FHAD1: variants seen among roughly 807,000 people sequenced by gnomAD.
The protein encoded by FHAD1 is forkhead-associated domain-containing protein 1.
In FHAD1, 146 loss-of-function variants were observed where a neutral mutation model predicts 191.3. That is an observed-to-expected ratio of 0.76 (90% CI 0.67 to 0.88). The LOEUF (loss-of-function observed/expected upper bound fraction) is 0.88, where lower values mean the gene tolerates loss of function less well. Among genes scored for constraint, FHAD1 ranks in the 40% least tolerant of loss-of-function variants. The probability of loss-of-function intolerance (pLI) is 0.00; values close to 1 mark genes in which losing one functional copy is unlikely to be tolerated. For synonymous variants in FHAD1, 616 were observed against 672.3 expected (o/e 0.92, Z 1.29); for missense variants, 1,635 against 1,785.8 (o/e 0.92, Z 1.52).
intron 31 of FHAD1, among the ~76,000 whole-genome samples, chr1:15,387,209 T>C (rs1216075057): frequency 1.3e-5 from 2 of 152,164 alleles, no homozygotes; most frequent in South Asian, 2.1e-4. Context: ...TACTGTTTTA[T>C]ACATCATCAT....
intron 1 of FHAD1, among the ~76,000 whole-genome samples, chr1:15,239,798 A>C (rs1341450564): frequency 6.6e-6 from 1 of 152,294 alleles, no homozygotes; most frequent in East Asian, 1.9e-4. Flanking sequence ...ATTTGAAGGC[A>C]TGTGCTGCGA....
chr1:15,341,126 G>A (rs966300038), intron 15 of FHAD1, among the ~76,000 whole-genome samples: 1 of 152,264 alleles, frequency 6.6e-6, no homozygotes, highest in East Asian at 1.9e-4. Flanking sequence ...AGGTTGCGGG[G>A]AACCAAGATT....
At chr1:15,399,433 G>A (rs540748995), downstream of FHAD1, among the ~76,000 whole-genome samples, 4 of 152,170 alleles carry the variant, frequency 2.6e-5, no homozygotes, top group South Asian at 2.1e-4. Context: ...TGGCATGGTG[G>A]TGTGTGCCAG....
chr1:15,376,505 G>A (rs1699696845), intron 28 of FHAD1, among the ~76,000 whole-genome samples: 2 of 152,182 alleles, frequency 1.3e-5, no homozygotes, highest in African/African-American at 4.8e-5. Flanking sequence ...CACATAAAAG[G>A]CAGGAGAAGG....
chr1:15,296,597 A>G, intron 4 of FHAD1, 87 bp from the exon 5 acceptor site: 1 of 1,200,236 alleles, frequency 8.3e-7, no homozygotes, highest in East Asian at 2.6e-5. Context: ...GGGGGGAAAC[A>G]AACAGGAAGG....
In FHAD1 at chr1:15,289,780, A is replaced by G; in HGVS notation, c.568+114A>G. The G allele has an allele frequency of 7.2e-7, 1 of 1,393,718 alleles. No individual in the cohort carries two copies. 86.3% of individuals were successfully genotyped at this position (1,393,718 alleles called of 1,614,324 possible). ...AGTAGAACATATTCAATTGTAAAAA[A>G]TGAAAATAAATTCAGGATAAGCAGA... is the stretch of plus-strand genomic sequence containing the variant. On this transcript the variant is annotated intron_variant, in intron 4 of 33. Coordinates refer to ENST00000688493, the MANE Select transcript of FHAD1 (RefSeq NM_001391957.1). This position sits in a 1 kb window ranked among gnomAD's most constrained non-coding sequence, Gnocchi z 4.2.
chr1:15,328,225 C>G, intron 12 of FHAD1, 52 bp from the exon 13 acceptor site: 1 of 1,416,242 alleles, frequency 7.1e-7, no homozygotes. Flanking sequence ...GGGCCCCCCA[C>G]CCCTGTATGT....
intron 10 of FHAD1, among the ~76,000 whole-genome samples, chr1:15,320,225 T>C (rs1284477046): frequency 6.6e-6 from 1 of 152,254 alleles, no homozygotes; most frequent in African/African-American, 2.4e-5. Flanking sequence ...ATTTTCTGTG[T>C]AACTTCAATC....
intron 31 of FHAD1, among the ~76,000 whole-genome samples, chr1:15,387,160 A>C (rs557769209): frequency 6.6e-6 from 1 of 152,240 alleles, no homozygotes; most frequent in African/African-American, 2.4e-5. Flanking sequence ...AAGTGCTGGG[A>C]TTATAGGCAT....
intron 3 of FHAD1, among the ~76,000 whole-genome samples, chr1:15,281,416 T>C (rs1017578367): frequency 6.6e-6 from 1 of 152,170 alleles, no homozygotes; most frequent in African/African-American, 2.4e-5. Flanking sequence ...TGTATTATTT[T>C]TTTCTGGTAA....
intron 13 of FHAD1, chr1:15,328,675 G>A (rs34425022): frequency 0.012 from 4,341 of 361,334 alleles, 38 homozygotes; most frequent in African/African-American, 0.028. Flanking sequence ...GACTTTGAGC[G>A]GCCCGCATCC....
chr1:15,369,882 C>T (rs1386801354), intron 26 of FHAD1, among the ~76,000 whole-genome samples: 1 of 152,162 alleles, frequency 6.6e-6, no homozygotes, highest in Non-Finnish European at 1.5e-5. Flanking sequence ...ACAGTAATGA[C>T]CACCCCCACC....
intron 3 of FHAD1, among the ~76,000 whole-genome samples, chr1:15,274,677 G>A (rs1657588250): frequency 6.6e-6 from 1 of 152,156 alleles, no homozygotes. Flanking sequence ...GAACGGTAGA[G>A]TTATTATAAT....
intron 3 of FHAD1, among the ~76,000 whole-genome samples, chr1:15,281,628 G>A (rs1573940674): frequency 6.6e-6 from 1 of 151,856 alleles, no homozygotes. Context: ...AGGTGTGGTG[G>A]TGCATGCCTG....
At chr1:15,308,825 T>C (rs1318402280) in intron 7 of FHAD1, 89 bp downstream of exon 7, 2 of 1,525,274 alleles carry the variant, frequency 1.3e-6, no homozygotes, top group East Asian at 2.5e-5. Context: ...CCACATACTT[T>C]TTGTTACTGA....
chr1:15,313,563 T>C (rs72643640), intron 8 of FHAD1, among the ~76,000 whole-genome samples: 248 of 152,296 alleles, frequency 1.6e-3, no homozygotes, highest in Middle Eastern at 3.4e-3. Flanking sequence ...CAAGGCTTAA[T>C]ATTAAAGCAG....
intron 22 of FHAD1, among the ~76,000 whole-genome samples, chr1:15,361,766 G>A (rs751941058): frequency 3.3e-5 from 5 of 150,652 alleles, no homozygotes; most frequent in East Asian, 2.0e-4. Context: ...CAGCACTTCC[G>A]GAGGCCGAGG....
intron 4 of FHAD1, among the ~76,000 whole-genome samples, chr1:15,292,787 A>C (rs547845739): frequency 6.6e-6 from 1 of 152,108 alleles, no homozygotes; most frequent in Non-Finnish European, 1.5e-5. Context: ...TGATCTTTCA[A>C]CCTCTAAAAC....
At chr1:15,349,699 A>G (rs1690152836) in intron 19 of FHAD1, among the ~76,000 whole-genome samples, 2 of 152,218 alleles carry the variant, frequency 1.3e-5, no homozygotes, top group South Asian at 4.1e-4. Flanking sequence ...GTAGGTGCAT[A>G]GTAAGCACGT....
Sources: allele counts gnomAD v4.1 joint callset (sites outside exome capture counted in the v4.1 genomes callset), GRCh38; gene constraint gnomAD v4.1.1; non-coding constraint Gnocchi (gnomAD v3.1); transcripts MANE v1.5; gene names NCBI Gene and HGNC (gene_info 2026-07-23, HGNC 2026-07-21).